The following WDR72 variants were observed in gnomAD, a reference collection of about 807,000 sequenced individuals.
WDR72 encodes WD repeat-containing protein 72.
Under a neutral mutation model 124.2 loss-of-function variants are expected in WDR72, and 120 were observed. The observed-to-expected ratio is 0.97, with a 90% CI of 0.83 to 1.12. The LOEUF is 1.12. Ranked by LOEUF, WDR72 falls within the 50% of genes most tolerant of loss-of-function variation. The pLI is 0.00. For missense variants in WDR72, 1,387 were observed against 1,278.8 expected, an observed-to-expected ratio of 1.08 and a Z score of -1.29; for synonymous variants, 452 against 441.7, an observed-to-expected ratio of 1.02 and a Z score of -0.29.
intron 1 of WDR72, among the ~76,000 whole-genome samples, chr15:53,744,917 C>T (rs1269136602): frequency 6.6e-6 from 1 of 151,984 alleles, no homozygotes; most frequent in Non-Finnish European, 1.5e-5. Context: ...CCCAGTTCCT[C>T]TCTTCATGTT....
intron 18 of WDR72, among the ~76,000 whole-genome samples, chr15:53,595,897 C>A (rs1020810038): frequency 6.6e-6 from 1 of 152,130 alleles, no homozygotes; most frequent in African/African-American, 2.4e-5. Context: ...CTAGCTTTAT[C>A]AAATTATTAA....
At chr15:53,631,073 A>C (rs770655570) in intron 14 of WDR72, among the ~76,000 whole-genome samples, 15 of 152,164 alleles carry the variant, frequency 9.9e-5, no homozygotes, top group Non-Finnish European at 1.0e-4. Context: ...TCCTGCCCAA[A>C]TCTCATGTTG....
intron 13 of WDR72, among the ~76,000 whole-genome samples, chr15:53,680,545 G>A (rs1356373241): frequency 1.3e-5 from 2 of 152,172 alleles, no homozygotes; most frequent in Non-Finnish European, 2.9e-5. Flanking sequence ...AAAATGTGGT[G>A]ACCAAAGAAA....
rs184246878 is a variant in WDR72, at chr15:53,593,455, G to A, written c.3148+3624C>T. ...GTCTTAGTTTATTCATTTTGAAAAC[G>A]GGGTAGTATAGGAAGTATGTTTCAA... On this transcript the variant is annotated intron_variant, in intron 18 of 19. Transcript: ENST00000360509. 2.4e-4 allele frequency among the ~76,000 whole-genome samples: 37 copies of A among 152,084 alleles called. 1 individual carries two copies. The highest frequency in any genetic ancestry group is 1.8e-3 in the Admixed American group (27 of 15,236).
At chr15:53,565,268 GA>G (rs1156778016) in intron 18 of WDR72, among the ~76,000 whole-genome samples, 1 of 151,852 alleles carries the variant, frequency 6.6e-6, no homozygotes, top group African/African-American at 2.4e-5. Context: ...TTAAGAAGTT[GA>G]AAGGAAACTA....
intron 15 of WDR72, among the ~76,000 whole-genome samples, chr15:53,615,002 T>C (rs2013696010): frequency 6.6e-6 from 1 of 152,020 alleles, no homozygotes; most frequent in African/African-American, 2.4e-5. Flanking sequence ...TCTGACGATA[T>C]AAAAATATAT....
chr15:53,586,206 G>C (rs1432501664), intron 18 of WDR72, among the ~76,000 whole-genome samples: 1 of 152,016 alleles, frequency 6.6e-6, no homozygotes, highest in Non-Finnish European at 1.5e-5. Context: ...CAACAGACCA[G>C]ACTGGTTATT....
At chr15:53,554,391 T>A (rs117236478) in intron 18 of WDR72, among the ~76,000 whole-genome samples, 7,390 of 152,242 alleles carry the variant, frequency 0.049, 218 homozygotes, top group Middle Eastern at 0.075. Context: ...TATCACAATT[T>A]CCCATTATCT....
In WDR72 at chr15:53,514,714, C is replaced by T. The variant is rs1566934568; in HGVS notation, c.*2985G>A. 1 of 151,970 alleles carries T rather than the reference C, an allele frequency of 6.6e-6. No individual in the cohort carries two copies. The highest frequency in any genetic ancestry group is 2.4e-5 in the African/African-American group (1 of 41,392). The allele number at this position is 151,970 out of a possible 1,614,324, so 9.4% of individuals were successfully genotyped here. A position where few individuals can be genotyped will look rare whatever the true frequency, so the allele number is the denominator to read the frequency against. ...CTACTTTTTAACTGTGTGTTTCTAA[C>T]ATTATACATTTTTCCTTATATTTGA... On this transcript the variant is annotated 3_prime_UTR_variant, in exon 20 of 20. Transcript: ENST00000360509.
chr15:53,538,069 T>C (rs576232386), intron 18 of WDR72, among the ~76,000 whole-genome samples: 1 of 152,274 alleles, frequency 6.6e-6, no homozygotes, highest in African/African-American at 2.4e-5. Context: ...TAGAACCTCA[T>C]TGGAAAGTTA....
chr15:53,669,002 A>G (rs1208124005), intron 13 of WDR72, among the ~76,000 whole-genome samples: 7 of 103,128 alleles, frequency 6.8e-5, no homozygotes, highest in East Asian at 2.8e-4. Context: ...GAGGAGAAGG[A>G]GAAGGAGAAG....
At position 53,591,066 on chromosome 15, in the gene WDR72, C is replaced by T. The variant is rs144315486; in HGVS notation, c.3148+6013G>A. On this transcript the variant is annotated intron_variant, in intron 18 of 19. Coordinates refer to ENST00000360509, the MANE Select transcript of WDR72 (RefSeq NM_182758.4). ...CTTCAGTGGTCTTAGTAAACAGCTA[C>T]CTTTCCCCACCCCAACTTTTTGCTT... Among the ~76,000 whole-genome samples the T allele has an allele frequency of 5.4e-3, 827 of 152,094 alleles. 7 individuals are homozygous for T. Among genetic ancestry groups the T allele is most frequent in the African/African-American group, 0.018 (761 of 41,526 alleles).
At chr15:53,705,260 A>C in intron 10 of WDR72, 27 bp from the exon 11 acceptor site, 1 of 1,608,728 alleles carries the variant, frequency 6.2e-7, no homozygotes, top group Non-Finnish European at 8.5e-7. Context: ...CATAAAAAGA[A>C]AATTTGGTTT....
At chr15:53,683,037 T>G (rs1215760390) in intron 13 of WDR72, among the ~76,000 whole-genome samples, 1 of 152,112 alleles carries the variant, frequency 6.6e-6, no homozygotes, top group East Asian at 1.9e-4. Flanking sequence ...GAGAGAAGTG[T>G]AAAGGAGCAA....
upstream of WDR72, among the ~76,000 whole-genome samples, chr15:53,762,267 C>A (rs1043260669): frequency 6.6e-6 from 1 of 152,188 alleles, no homozygotes; most frequent in Admixed American, 6.5e-5. Flanking sequence ...CTAGAGCACT[C>A]CTCTCGCCTT....
At chr15:53,743,802 C>A (rs147556610) in intron 1 of WDR72, among the ~76,000 whole-genome samples, 2 of 151,862 alleles carry the variant, frequency 1.3e-5, no homozygotes, top group African/African-American at 4.8e-5. Flanking sequence ...GGTGAAACCC[C>A]GTCTCTACTA....
chr15:53,533,648 C>T (rs549300870), intron 18 of WDR72, among the ~76,000 whole-genome samples: 7 of 152,156 alleles, frequency 4.6e-5, no homozygotes, highest in African/African-American at 1.7e-4. Context: ...TGCTACCCCT[C>T]TCTTTATCCT....
chr15:53,594,013 A>C (rs2012641689), intron 18 of WDR72, among the ~76,000 whole-genome samples: 4 of 152,116 alleles, frequency 2.6e-5, no homozygotes, highest in Admixed American at 1.3e-4. Context: ...TCCTTTACAC[A>C]GAGAACTAAA....
In WDR72 at chr15:53,708,947, A is replaced by G. The variant is rs1292890776; in HGVS notation, c.954+1910T>C. On this transcript the variant is annotated intron_variant, in intron 9 of 19. Coordinates refer to ENST00000360509, the MANE Select transcript of WDR72 (RefSeq NM_182758.4). ...GGAAAGACGAATCCTCATTCTTACCACTGTAACTCCATCAGCAGATATGTA... is the reference window on the plus strand; with the variant it reads ...GGAAAGACGAATCCTCATTCTTACCGCTGTAACTCCATCAGCAGATATGTA... Among the ~76,000 whole-genome samples the G allele has an allele frequency of 2.0e-5, 3 of 152,162 alleles. No individual in the cohort carries two copies. The South Asian group carries it at 6.2e-4, about 32-fold the overall frequency.
Sources: gnomAD v4.1 joint callset for allele counts (sites outside exome capture counted in the v4.1 genomes callset) on GRCh38, gnomAD v4.1.1 for gene constraint, MANE v1.5 for transcripts, NCBI Gene and HGNC (gene_info 2026-07-23, HGNC 2026-07-21) for gene names.